HMMR: variants seen among roughly 807,000 people sequenced by gnomAD.
HMMR encodes the protein hyaluronan mediated motility receptor.
A neutral mutation model predicts 101.0 loss-of-function variants in HMMR; 108 were observed. The ratio of observed to expected loss-of-function variants is 1.07; its 90% confidence interval spans 0.92 to 1.25. The LOEUF (loss-of-function observed/expected upper bound fraction) is 1.25, where lower values mean the gene tolerates loss of function less well. Among genes scored for constraint, HMMR ranks in the 50% most tolerant of loss-of-function variants. The probability of loss-of-function intolerance (pLI) is 0.00; values close to 1 mark genes in which losing one functional copy is unlikely to be tolerated. For missense variants in HMMR, 813 were observed against 788.7 expected, an observed-to-expected ratio of 1.03 and a Z score of -0.37; for synonymous variants, 296 against 276.4, an observed-to-expected ratio of 1.07 and a Z score of -0.70.
intron 15 of HMMR, 121 bp downstream of exon 15, chr5:163,483,488 C>A: frequency 1.8e-6 from 1 of 563,960 alleles, no homozygotes; most frequent in Non-Finnish European, 3.2e-6. Flanking sequence ...CTTACAGTGC[C>A]AATTTAGCTC....
At chr5:163,478,401 G>A (rs1759138732) in intron 11 of HMMR, among the ~76,000 whole-genome samples, 1 of 152,142 alleles carries the variant, frequency 6.6e-6, no homozygotes, top group South Asian at 2.1e-4. Context: ...GTCCTGGCTA[G>A]TATCTTAAGA....
intron 1 of HMMR, 46 bp from the exon 2 acceptor site, chr5:163,463,810 C>T (rs936059448): frequency 1.4e-6 from 1 of 717,386 alleles, no homozygotes; most frequent in Non-Finnish European, 2.1e-6. Flanking sequence ...AACTTAAGAT[C>T]ATAAGTAACA....
chr5:163,468,111 T>G (rs299286), intron 4 of HMMR, among the ~76,000 whole-genome samples: 40,748 of 152,172 alleles, frequency 0.27, 5,620 homozygotes, highest in East Asian at 0.5. Context: ...AGAGGATTTC[T>G]TAGTGAGCAT....
At chr5:163,477,694 C>T (rs1581196063) in intron 11 of HMMR, among the ~76,000 whole-genome samples, 1 of 152,076 alleles carries the variant, frequency 6.6e-6, no homozygotes, top group African/African-American at 2.4e-5. Context: ...TGTTAGCTAG[C>T]TGGTTGATTC....
In HMMR at chr5:163,471,454, A is replaced by G; in HGVS notation, c.641A>G (p.Glu214Gly). Residue 214 changes from glutamate to glycine, a missense_variant, in exon 7 of 18, where the codon GAG (glutamate) becomes GGG (glycine). Transcript: ENST00000393915. ...TCTCAAGGGAAAATAGCCCAACTGG[A>G]GGGAAAACTGTAAGTGAGTGAATGT... is the stretch of plus-strand genomic sequence containing the variant. ...EESQGKIAQLEGKLVSIEKEK... is the reference protein window; with the variant it reads ...EESQGKIAQLGGKLVSIEKEK... 6.2e-7 allele frequency: 1 copy of G among 1,606,902 alleles called. No homozygotes were observed. Among genetic ancestry groups the G allele is most frequent in the South Asian group, 1.1e-5 (1 of 90,872 alleles).
intron 2 of HMMR, 145 bp from the exon 3 acceptor site, chr5:163,464,578 C>A: frequency 1.6e-6 from 1 of 608,056 alleles, no homozygotes; most frequent in Non-Finnish European, 2.9e-6. Context: ...GACACCACTG[C>A]AGTCCAGGCT....
chr5:163,476,493 G>A (rs1057359785), intron 11 of HMMR, among the ~76,000 whole-genome samples: 4 of 152,198 alleles, frequency 2.6e-5, no homozygotes, highest in South Asian at 2.1e-4. Flanking sequence ...AAAGCAGGCT[G>A]GCACAATGGC....
chr5:163,460,769 G>A (rs910637317), intron 1 of HMMR, 31 bp downstream of exon 1: 8 of 1,593,092 alleles, frequency 5.0e-6, no homozygotes, highest in Non-Finnish European at 6.9e-6. Flanking sequence ...TGGGGGACGG[G>A]AGACGCCCTA....
In HMMR at chr5:163,471,552, A is replaced by G. The variant is rs1003831447; in HGVS notation, c.650+89A>G. The G allele has an allele frequency of 7.6e-5, 64 of 845,390 alleles. 1 individual carries two copies. The highest frequency in any genetic ancestry group is 1.2e-4 in the Non-Finnish European group (61 of 520,242). 52.4% of individuals were successfully genotyped at this position (845,390 alleles called of 1,614,324 possible). A position where few individuals can be genotyped will look rare whatever the true frequency, so the allele number is the denominator to read the frequency against. ...CAAATTATTGTTTACTGAGACTTCA[A>G]CCTTCTGTTAGTACTTATCTCATTG... On this transcript the variant is annotated intron_variant, in intron 7 of 17. Transcript: ENST00000393915.
Position 163,463,937 on chromosome 5 carries a change from G to T in HMMR, c.128G>T (p.Arg43Ile). Residue 43 changes from arginine (R) to isoleucine (I), a missense_variant, in exon 2 of 18, where the codon AGA becomes ATA. Transcript: ENST00000393915. ...KGPVSFQKSQ[R>I]FKQQKESKQN... ...CCAGTATCCTTTCAGAAATCACAAA[G>T]ATTTAAACAACAAAAAGGTAATATA... 1 of 1,335,338 alleles carries T rather than the reference G, an allele frequency of 7.5e-7. No individual in the cohort carries two copies. Among genetic ancestry groups the T allele is most frequent in the Non-Finnish European group, 1.0e-6 (1 of 985,166 alleles). The allele number at this position is 1,335,338 out of a possible 1,614,324, so 82.7% of individuals were successfully genotyped here.
chr5:163,484,843 T>G (rs988547428), intron 16 of HMMR, among the ~76,000 whole-genome samples: 1 of 152,198 alleles, frequency 6.6e-6, no homozygotes, highest in African/African-American at 2.4e-5. Context: ...ATTGTGGACC[T>G]GGCATATTCA....
intron 1 of HMMR, among the ~76,000 whole-genome samples, chr5:163,463,253 C>G (rs1758597585): frequency 6.6e-6 from 1 of 152,166 alleles, no homozygotes; most frequent in East Asian, 1.9e-4. Context: ...ACACAGGATT[C>G]TTGTGAGGAT....
Position 163,484,241 on chromosome 5 carries a change from A to G in HMMR, c.1958A>G (p.Lys653Arg). Residue 653 changes from lysine to arginine, a missense_variant, in exon 16 of 18, where the codon AAA becomes AGA. Transcript: ENST00000393915. ...VKLKDENSQLKSEVSKLRCQL... is the reference protein window; with the variant it reads ...VKLKDENSQLRSEVSKLRCQL... ...TTGAAAGATGAAAATAGCCAACTCA[A>G]ATCGGTTTGTAAAATGACTTTTCAT... 1 of 1,575,404 alleles carries G rather than the reference A, an allele frequency of 6.3e-7. No individual in the cohort carries two copies. Among genetic ancestry groups the G allele is most frequent in the South Asian group, 1.2e-5 (1 of 86,524 alleles).
intron 16 of HMMR, among the ~76,000 whole-genome samples, chr5:163,486,937 G>A (rs1759494768): frequency 6.6e-6 from 1 of 152,224 alleles, no homozygotes; most frequent in African/African-American, 2.4e-5. Flanking sequence ...AAGTTAGCTA[G>A]GTGTGGCGGC....
chr5:163,485,636 G>A (rs1759453554), intron 16 of HMMR, among the ~76,000 whole-genome samples: 1 of 152,096 alleles, frequency 6.6e-6, no homozygotes, highest in Non-Finnish European at 1.5e-5. Flanking sequence ...CTTTCTTGAT[G>A]ATGTCCTTTG....
At chr5:163,482,516 A>C in intron 12 of HMMR, 126 bp from the exon 13 acceptor site, 1 of 654,144 alleles carries the variant, frequency 1.5e-6, no homozygotes, top group South Asian at 2.1e-5. Context: ...TACCTGTGTT[A>C]AATGCATGAA....
At chr5:163,460,827 C>A (rs542913493) in intron 1 of HMMR, 89 bp downstream of exon 1, 12 of 1,161,230 alleles carry the variant, frequency 1.0e-5, no homozygotes, top group East Asian at 2.5e-5. Context: ...AAGCAGGAGG[C>A]GATTTTAGGG....
chr5:163,475,321 T>C (rs1759032788), intron 10 of HMMR, 137 bp from the exon 11 acceptor site: 1 of 493,536 alleles, frequency 2.0e-6, no homozygotes, highest in African/African-American at 2.0e-5. Flanking sequence ...AAATATGCTA[T>C]TTCTATATTG....
intron 16 of HMMR, among the ~76,000 whole-genome samples, chr5:163,484,996 T>G (rs911710427): frequency 6.6e-6 from 1 of 152,200 alleles, no homozygotes; most frequent in Admixed American, 6.5e-5. Flanking sequence ...GTATACCACA[T>G]TTTATTTATT....
Sources: allele counts gnomAD v4.1 joint callset (sites outside exome capture counted in the v4.1 genomes callset), GRCh38; gene constraint gnomAD v4.1.1; transcripts MANE v1.5; gene names NCBI Gene and HGNC (gene_info 2026-07-23, HGNC 2026-07-21).